The following AHCTF1 variants were observed in gnomAD, a reference collection of about 807,000 sequenced individuals.
AHCTF1 encodes the protein AT-hook containing transcription factor 1.
Under a neutral mutation model 248.4 loss-of-function variants are expected in AHCTF1, and 24 were observed. That is an observed-to-expected ratio of 0.10 (90% confidence interval 0.07 to 0.14). AHCTF1 has a LOEUF of 0.14. Among genes scored for constraint, AHCTF1 ranks in the 10% least tolerant of loss-of-function variants. The probability of loss-of-function intolerance (pLI) is 1.00; values close to 1 mark genes in which losing one functional copy is unlikely to be tolerated. For missense variants in AHCTF1, 2,206 were observed against 2,636.2 expected (o/e 0.84, Z 3.57); for synonymous variants, 786 against 929.8 (o/e 0.85, Z 2.81).
intron 8 of AHCTF1, among the ~76,000 whole-genome samples, chr1:246,901,046 A>G (rs974948907): frequency 2.0e-5 from 3 of 152,200 alleles, no homozygotes; most frequent in African/African-American, 7.2e-5. Context: ...AATGGGGAAT[A>G]AGAGAGAGCA....
At chr1:246,856,285 T>A (rs1045628255) in intron 30 of AHCTF1, among the ~76,000 whole-genome samples, 45 of 152,208 alleles carry the variant, frequency 3.0e-4, no homozygotes, top group Non-Finnish European at 5.9e-4. Flanking sequence ...TTAATCCACA[T>A]GAAAATAAAT....
At chr1:246,843,974 GTA>G (rs777040366) in intron 33 of AHCTF1, 46 bp from the exon 34 acceptor site, 2 of 1,210,274 alleles carry the variant, frequency 1.7e-6, no homozygotes, top group African/African-American at 1.6e-5. Flanking sequence ...ATATATGTGT[GTA>G]TATATATAAA....
At chr1:246,873,154 C>T (rs954127752) in intron 24 of AHCTF1, among the ~76,000 whole-genome samples, 3 of 152,160 alleles carry the variant, frequency 2.0e-5, no homozygotes, top group Admixed American at 1.3e-4. Context: ...AGGGATATTA[C>T]ATGTTAAGTA....
Position 246,877,221 on chromosome 1 carries a change from T to C in AHCTF1, c.2742A>G (p.Glu914=). ...CCATCAAGCCCATTTCCTGACAGACTTCATACATGTGCTTCAGTAACTCCT... is the reference window on the plus strand; with the variant it reads ...CCATCAAGCCCATTTCCTGACAGACCTCATACATGTGCTTCAGTAACTCCT... ...NIEELLKHMY[E]VCQEMGLMED... is the part of the protein sequence containing the mutation. The change falls in exon 22 of 36, where the codon GAA becomes GAG. Residue 914 remains glutamate (E), a synonymous_variant. Coordinates refer to ENST00000648844, the MANE Select transcript of AHCTF1 (RefSeq NM_001323342.2). 1 of 1,613,490 alleles carries C rather than the reference T, an allele frequency of 6.2e-7. No individual in the cohort carries two copies. Among genetic ancestry groups the C allele is most frequent in the Non-Finnish European group, 8.5e-7 (1 of 1,179,846 alleles).
chr1:246,846,747 T>A, intron 33 of AHCTF1, among the ~76,000 whole-genome samples: 1 of 151,728 alleles, frequency 6.6e-6, no homozygotes, highest in African/African-American at 2.4e-5. Context: ...CATATATATA[T>A]TTTTTGGGGG....
At chr1:246,871,615 C>T (rs562042629) in intron 24 of AHCTF1, among the ~76,000 whole-genome samples, 2 of 152,320 alleles carry the variant, frequency 1.3e-5, no homozygotes, top group African/African-American at 2.4e-5. Context: ...TCTGTGAACC[C>T]TGACTAGATG....
At chr1:246,897,868 C>T (rs1285416168) in intron 12 of AHCTF1, among the ~76,000 whole-genome samples, 1 of 135,372 alleles carries the variant, frequency 7.4e-6, no homozygotes, top group African/African-American at 2.8e-5. Context: ...GTCCTAGCTA[C>T]TTGCGGGGGC....
intron 13 of AHCTF1, among the ~76,000 whole-genome samples, chr1:246,895,165 C>T (rs534803758): frequency 5.9e-5 from 9 of 152,252 alleles, no homozygotes; most frequent in Admixed American, 5.9e-4. Flanking sequence ...ATTCTGAGCT[C>T]TCTCTACCCT....
At chr1:246,889,473 A>C (rs1664062441) in intron 17 of AHCTF1, among the ~76,000 whole-genome samples, 1 of 152,258 alleles carries the variant, frequency 6.6e-6, no homozygotes. Context: ...CTTAGGAAAT[A>C]ACAGATCTAG....
At chr1:246,906,208 A>G (rs539528488) in intron 5 of AHCTF1, among the ~76,000 whole-genome samples, 7 of 152,276 alleles carry the variant, frequency 4.6e-5, no homozygotes, top group African/African-American at 1.4e-4. Context: ...TGACCAAGAG[A>G]TGATAGTGTT....
At chr1:246,926,027 G>A (rs868187342) in intron 1 of AHCTF1, among the ~76,000 whole-genome samples, 25 of 145,630 alleles carry the variant, frequency 1.7e-4, no homozygotes, top group African/African-American at 2.5e-4. Context: ...TAGCCTAGGC[G>A]ACAGTGAGAC....
At chr1:246,865,404 A>C (rs1432189127) in intron 26 of AHCTF1, 2 of 152,196 alleles carry the variant, frequency 1.3e-5, no homozygotes, top group Non-Finnish European at 2.9e-5. Context: ...GAAATATTTC[A>C]ATGTCTTCCC....
chr1:246,848,215 A>G (rs1237470154), intron 33 of AHCTF1, among the ~76,000 whole-genome samples: 1 of 152,000 alleles, frequency 6.6e-6, no homozygotes, highest in Non-Finnish European at 1.5e-5. Context: ...TCAGTACAAC[A>G]AGTCATCTAC....
chr1:246,842,384 C>G (rs964122613), intron 35 of AHCTF1, among the ~76,000 whole-genome samples: 1 of 151,866 alleles, frequency 6.6e-6, no homozygotes, highest in East Asian at 1.9e-4. Context: ...GAGTTTGAGA[C>G]CAGCCTGGCC....
chr1:246,891,107 G>A, intron 15 of AHCTF1, 47 bp from the exon 16 acceptor site: 1 of 1,235,334 alleles, frequency 8.1e-7, no homozygotes, highest in Non-Finnish European at 1.1e-6. Context: ...AAAAAATCAA[G>A]ATGCTCCACA....
chr1:246,928,879 T>G (rs1667132036), intron 1 of AHCTF1, among the ~76,000 whole-genome samples: 1 of 152,216 alleles, frequency 6.6e-6, no homozygotes, highest in South Asian at 2.1e-4. Flanking sequence ...TTTCAGAAAT[T>G]TCTTACCAAC....
At chr1:246,842,179 G>T (rs1355297694) in intron 35 of AHCTF1, among the ~76,000 whole-genome samples, 1 of 152,126 alleles carries the variant, frequency 6.6e-6, no homozygotes, top group African/African-American at 2.4e-5. Context: ...AACAATGCCA[G>T]GGAGCCAGTG....
At position 246,922,908 on chromosome 1, in the gene AHCTF1, A is replaced by G. The variant is rs575179923; in HGVS notation, c.-7-4531T>C. Among the ~76,000 whole-genome samples, 256 of 147,138 alleles carry G rather than the reference A, an allele frequency of 1.7e-3. 1 individual carries two copies. Among genetic ancestry groups the G allele is most frequent in the African/African-American group, 4.7e-3 (185 of 39,710 alleles). Reference sequence around the variant, plus strand: ...TGAGGCAGGAGAATGGCATGAACCCAGGAGGCGGAGTTTGCAGTGAGCCGA... The same window carrying G: ...TGAGGCAGGAGAATGGCATGAACCCGGGAGGCGGAGTTTGCAGTGAGCCGA... On this transcript the variant is annotated intron_variant, in intron 1 of 35. Coordinates refer to ENST00000648844, the MANE Select transcript of AHCTF1 (RefSeq NM_001323342.2).
At chr1:246,912,121 T>A (rs1665847607) in intron 4 of AHCTF1, among the ~76,000 whole-genome samples, 1 of 152,116 alleles carries the variant, frequency 6.6e-6, no homozygotes, top group African/African-American at 2.4e-5. Context: ...TGATAGTTTG[T>A]ATCTATTTCT....
Sources: gnomAD v4.1 joint callset for allele counts (sites outside exome capture counted in the v4.1 genomes callset) on GRCh38, gnomAD v4.1.1 for gene constraint, MANE v1.5 for transcripts, NCBI Gene and HGNC (gene_info 2026-07-23, HGNC 2026-07-21) for gene names.